Variants in POU2F1 observed in about 807,000 individuals in gnomAD.
The protein encoded by POU2F1 is POU domain, class 2, transcription factor 1.
A neutral mutation model predicts 84.9 loss-of-function variants in POU2F1; 16 were observed. That is an observed-to-expected ratio of 0.19 (90% CI 0.13 to 0.29). The LOEUF (loss-of-function observed/expected upper bound fraction) is 0.29, where lower values mean the gene tolerates loss of function less well. POU2F1 is among the 10% of genes least tolerant of loss of function. The probability of loss-of-function intolerance (pLI) is 1.00; values close to 1 mark genes in which losing one functional copy is unlikely to be tolerated. For missense variants in POU2F1, 738 were observed against 942.6 expected (o/e 0.78, Z 2.84); for synonymous variants, 368 against 368.3 (o/e 1.00, Z 0.01).
chr1:167,388,710 A>G (rs186832919), intron 8 of POU2F1, among the ~76,000 whole-genome samples: 67 of 152,288 alleles, frequency 4.4e-4, no homozygotes, highest in African/African-American at 1.6e-3. Context: ...AAACCATTAA[A>G]TATATTCACT....
chr1:167,290,814 G>C (rs552311833), intron 1 of POU2F1, among the ~76,000 whole-genome samples: 1 of 152,320 alleles, frequency 6.6e-6, no homozygotes, highest in East Asian at 1.9e-4. Flanking sequence ...GTGAAGGGGG[G>C]AGGATCACTT....
chr1:167,337,697 A>G (rs1236002378), intron 2 of POU2F1, among the ~76,000 whole-genome samples: 1 of 152,022 alleles, frequency 6.6e-6, no homozygotes, highest in African/African-American at 2.4e-5. Context: ...CCCTGCAAAA[A>G]AAAAAAAAAG....
intron 1 of POU2F1, among the ~76,000 whole-genome samples, chr1:167,293,629 A>G (rs1654080975): frequency 1.3e-5 from 2 of 152,198 alleles, no homozygotes; most frequent in African/African-American, 4.8e-5. Flanking sequence ...GGAACCAAAA[A>G]AGAGCTCAGG....
chr1:167,327,969 GATGATTAGGCTGTTGTCATTGTA>G (rs1223488124), intron 1 of POU2F1, among the ~76,000 whole-genome samples: 2 of 152,206 alleles, frequency 1.3e-5, no homozygotes, highest in Non-Finnish European at 2.9e-5. Flanking sequence ...AATTGTCTGT[GATGATTAGGCTGTTGTCATTGTA>G]ATGCCTAAAA....
intron 1 of POU2F1, among the ~76,000 whole-genome samples, chr1:167,303,163 A>T (rs1293338433): frequency 6.6e-6 from 1 of 152,014 alleles, no homozygotes; most frequent in Non-Finnish European, 1.5e-5. Context: ...TATGTTAGTG[A>T]AATGCACCCT....
chr1:167,248,400 C>G (rs1650493210), intron 1 of POU2F1, among the ~76,000 whole-genome samples: 1 of 152,092 alleles, frequency 6.6e-6, no homozygotes, highest in Non-Finnish European at 1.5e-5. Context: ...TTTAACAGCC[C>G]CCTGAACTTT....
Position 167,378,353 on chromosome 1 carries a change from G to A in POU2F1, c.718+2198G>A, listed in dbSNP as rs565823824. On this transcript the variant is annotated intron_variant, in intron 7 of 15. Coordinates refer to ENST00000367866, the MANE Select transcript of POU2F1 (RefSeq NM_002697.4). ...CAGGTTCAAGCAATTCTCCTGCCTC[G>A]GCCTCCCAAGTAGCTGGGATTACAG... Among the ~76,000 whole-genome samples, 122 of 149,786 alleles carry A rather than the reference G, an allele frequency of 8.1e-4. 1 individual carries two copies. Among genetic ancestry groups the A allele is most frequent in the Non-Finnish European group, 1.3e-3 (91 of 67,532 alleles).
Position 167,413,082 on chromosome 1 carries a change from T to C in POU2F1, c.1958T>C (p.Leu653Pro), listed in dbSNP as rs891030558. The change falls in exon 15 of 16, where the codon CTA becomes CCA. Residue 653 changes from leucine (L) to proline (P), a missense_variant. Coordinates refer to ENST00000367866, the MANE Select transcript of POU2F1 (RefSeq NM_002697.4). ...GTLSGALSPA[L>P]MSNSTLATIQ... ...CTGAGCGGTGCTCTCAGCCCAGCTC[T>C]AATGAGCAACAGTACACTGGCAACT... The C allele has an allele frequency of 3.7e-6, 6 of 1,613,976 alleles. No homozygotes were observed. The highest frequency in any genetic ancestry group is 5.1e-6 in the Non-Finnish European group (6 of 1,179,964).
chr1:167,274,932 ACTCTT>A (rs1652617502), intron 1 of POU2F1, among the ~76,000 whole-genome samples: 1 of 151,090 alleles, frequency 6.6e-6, no homozygotes, highest in Non-Finnish European at 1.5e-5. Context: ...TTAGAAAGAT[ACTCTT>A]CTGAAACATA....
At chr1:167,272,156 A>G (rs1441567489) in intron 1 of POU2F1, among the ~76,000 whole-genome samples, 2 of 152,212 alleles carry the variant, frequency 1.3e-5, no homozygotes, top group Non-Finnish European at 2.9e-5. Context: ...TGTTAGAATG[A>G]ACAGTATACA....
intron 1 of POU2F1, among the ~76,000 whole-genome samples, chr1:167,238,078 A>G (rs1367679348): frequency 6.6e-6 from 1 of 151,946 alleles, no homozygotes; most frequent in African/African-American, 2.4e-5. Flanking sequence ...CACCATGCCC[A>G]GCCCATATAT....
chr1:167,385,491 A>G (rs772934579), intron 8 of POU2F1, among the ~76,000 whole-genome samples: 2 of 152,182 alleles, frequency 1.3e-5, no homozygotes, highest in Non-Finnish European at 2.9e-5. Flanking sequence ...GTGGAACAGA[A>G]TAGAAGGTCC....
chr1:167,233,136 T>C (rs1395111817), intron 1 of POU2F1, among the ~76,000 whole-genome samples: 1 of 150,900 alleles, frequency 6.6e-6, no homozygotes, highest in African/African-American at 2.4e-5. Context: ...TTTTATTTTT[T>C]AATTTTTTTT....
At chr1:167,312,170 T>TTATG (rs1394340035) in intron 1 of POU2F1, among the ~76,000 whole-genome samples, 1 of 151,998 alleles carries the variant, frequency 6.6e-6, no homozygotes, top group Non-Finnish European at 1.5e-5. Flanking sequence ...ACTCCTCACC[T>TTATG]TATGATCCAC....
chr1:167,319,798 C>G (rs1180266617), intron 1 of POU2F1, among the ~76,000 whole-genome samples: 1 of 152,052 alleles, frequency 6.6e-6, no homozygotes, highest in Non-Finnish European at 1.5e-5. Context: ...TGGTGACATC[C>G]ATTTGCCAAA....
intron 1 of POU2F1, among the ~76,000 whole-genome samples, chr1:167,221,867 C>G (rs1320835265): frequency 6.6e-6 from 1 of 151,920 alleles, no homozygotes; most frequent in Non-Finnish European, 1.5e-5. Flanking sequence ...GGGGCAAGTT[C>G]CTTCCGAGGG....
rs536815465 is a variant in POU2F1, at chr1:167,232,767, C to T, written c.61+11809C>T. Among the ~76,000 whole-genome samples, 16 of 151,502 alleles carry T rather than the reference C, an allele frequency of 1.1e-4. No individual in the cohort carries two copies. The South Asian group carries it at 2.5e-3, about 24-fold the overall frequency. On this transcript the variant is annotated intron_variant, in intron 1 of 15. Coordinates refer to ENST00000367866, the MANE Select transcript of POU2F1 (RefSeq NM_002697.4). The stretch of plus-strand genomic sequence containing the variant: ...CTGAGGCAGGAGAATCACTTGAACC[C>T]GTGAAGTGGAGGTTGCAGTGAGCTG...
intron 6 of POU2F1, among the ~76,000 whole-genome samples, chr1:167,375,651 T>C (rs1660277863): frequency 6.6e-6 from 1 of 152,228 alleles, no homozygotes; most frequent in South Asian, 2.1e-4. Flanking sequence ...CATAACACGA[T>C]CAATTTTTAT....
intron 1 of POU2F1, among the ~76,000 whole-genome samples, chr1:167,319,332 C>T (rs1263839885): frequency 6.6e-6 from 1 of 152,198 alleles, no homozygotes; most frequent in Non-Finnish European, 1.5e-5. Context: ...AGTTGTTTTG[C>T]TTCTGTCTTT....
Sources: gnomAD v4.1 joint callset for allele counts (sites outside exome capture counted in the v4.1 genomes callset) on GRCh38, gnomAD v4.1.1 for gene constraint, MANE v1.5 for transcripts, NCBI Gene and HGNC (gene_info 2026-07-23, HGNC 2026-07-21) for gene names.